Variants in COL13A1 observed in about 807,000 individuals in gnomAD.
COL13A1 encodes the protein collagen type XIII alpha 1 chain.
Under a neutral mutation model 130.9 loss-of-function variants are expected in COL13A1, and 89 were observed. The observed-to-expected ratio is 0.68, with a 90% CI of 0.57 to 0.81. The LOEUF (loss-of-function observed/expected upper bound fraction) is 0.81, where lower values mean the gene tolerates loss of function less well. Ranked by LOEUF, COL13A1 falls within the 30% of genes least tolerant of loss-of-function variation. The pLI is 0.00. For missense variants in COL13A1, 879 were observed against 934.6 expected, an observed-to-expected ratio of 0.94 and a Z score of 0.78; for synonymous variants, 402 against 341.6, an observed-to-expected ratio of 1.18 and a Z score of -1.95.
chr10:69,897,438 G>A (rs375607062), intron 13 of COL13A1: 14 of 1,610,944 alleles, frequency 8.7e-6, no homozygotes, highest in Admixed American at 6.7e-5. Flanking sequence ...GGTCCCTGTC[G>A]CCCTGTCTCT....
chr10:69,932,723 A>T, intron 31 of COL13A1, 119 bp downstream of exon 31: 1 of 689,158 alleles, frequency 1.5e-6, no homozygotes, highest in Non-Finnish European at 2.6e-6. Flanking sequence ...ACTGAGCACC[A>T]CCATAGGTCA....
intron 24 of COL13A1, among the ~76,000 whole-genome samples, chr10:69,924,355 G>GTTTTTCACAAGTTACACTGC (rs1312710856): frequency 8.5e-5 from 13 of 152,054 alleles, no homozygotes; most frequent in Non-Finnish European, 1.5e-4. Context: ...ACTGCGCTTG[G>GTTTTTCACAAGTTACACTGC]TTTTTCACAA....
intron 36 of COL13A1, among the ~76,000 whole-genome samples, chr10:69,944,948 C>T (rs767030259): frequency 2.0e-5 from 3 of 152,240 alleles, no homozygotes; most frequent in Admixed American, 6.5e-5. Context: ...CAGGCTCCCA[C>T]GGTCGCTGTC....
At chr10:69,871,296 C>T (rs1017501356) in intron 3 of COL13A1, among the ~76,000 whole-genome samples, 2 of 152,112 alleles carry the variant, frequency 1.3e-5, no homozygotes, top group Non-Finnish European at 2.9e-5. Context: ...TTCATTCATT[C>T]GTAAATGTGT....
chr10:69,802,209 A>C lies in COL13A1; in HGVS notation c.-215A>C. Reference sequence around the variant, plus strand: ...CTTCGAAATAACTTTTTTCTCACCTAGGTGTACCCCAATTACCGCTGGTTG... The same window carrying C: ...CTTCGAAATAACTTTTTTCTCACCTCGGTGTACCCCAATTACCGCTGGTTG... On this transcript the variant is annotated 5_prime_UTR_variant, in exon 1 of 41. Coordinates refer to ENST00000645393, the MANE Select transcript of COL13A1 (RefSeq NM_001368882.1). 1 of 526,252 alleles carries C rather than the reference A, an allele frequency of 1.9e-6. No homozygotes were observed. The highest frequency in any genetic ancestry group is 3.2e-6 in the Non-Finnish European group (1 of 316,884). 32.6% of individuals were successfully genotyped at this position (526,252 alleles called of 1,614,324 possible).
At chr10:69,851,901 C>T (rs996838364) in intron 2 of COL13A1, among the ~76,000 whole-genome samples, 10 of 152,278 alleles carry the variant, frequency 6.6e-5, no homozygotes, top group East Asian at 1.9e-4. Flanking sequence ...GTGATCCACC[C>T]GCCTCAGCCT....
At position 69,856,430 on chromosome 10, in the gene COL13A1, C is replaced by T. The variant is rs115367399; in HGVS notation, c.365-11368C>T. Among the ~76,000 whole-genome samples, 932 of 152,276 alleles carry T rather than the reference C, an allele frequency of 6.1e-3. 10 individuals are homozygous for T. Among genetic ancestry groups the T allele is most frequent in the African/African-American group, 0.021 (892 of 41,546 alleles). ...TCCTTGTAGGCATTGGAGTTTGTGA[C>T]ACCTAATCTCCCTCAACTCTTCTTA... On this transcript the variant is annotated intron_variant, in intron 2 of 40. Transcript: ENST00000645393.
intron 2 of COL13A1, among the ~76,000 whole-genome samples, chr10:69,836,011 T>A (rs1173980758): frequency 6.6e-6 from 1 of 152,142 alleles, no homozygotes; most frequent in Non-Finnish European, 1.5e-5. Context: ...ACAGAGCTAG[T>A]GTGTGTTGAA....
intron 1 of COL13A1, among the ~76,000 whole-genome samples, chr10:69,810,058 G>A (rs1842550095): frequency 6.6e-6 from 1 of 152,156 alleles, no homozygotes; most frequent in Non-Finnish European, 1.5e-5. Flanking sequence ...GTTTGTATCA[G>A]CTGCCTGAAT....
chr10:69,948,946 CA>C (rs1435686447), intron 38 of COL13A1, among the ~76,000 whole-genome samples: 2 of 152,240 alleles, frequency 1.3e-5, no homozygotes, highest in African/African-American at 4.8e-5. Flanking sequence ...ATGTTTGACA[CA>C]CTTTCCTCCA....
rs1413611484 is a variant in COL13A1 at position 69,839,114 on chromosome 10, T to G, written c.364+16676T>G. The stretch of plus-strand genomic sequence containing the variant: ...TCCTGCAATCTGGATGTGTCAGCTA[T>G]GGTATTTGGAGAATGCGATGGTCTT... On this transcript the variant is annotated intron_variant, in intron 2 of 40. Transcript: ENST00000645393. Among the ~76,000 whole-genome samples the G allele has an allele frequency of 3.9e-5, 6 of 152,244 alleles. No homozygotes were observed. In the South Asian group the frequency reaches 8.3e-4, roughly 21 times the overall value.
chr10:69,947,273 A>G lies in COL13A1; in HGVS notation c.2023-34A>G, dbSNP rs374533908. ...CTGTACAGCTGGCCTGTGTGTCCTCATTAACATGCCTTTCTTCCTCTGATC... is the reference window on the plus strand; with the variant it reads ...CTGTACAGCTGGCCTGTGTGTCCTCGTTAACATGCCTTTCTTCCTCTGATC... On this transcript the variant is annotated intron_variant, in intron 37 of 40. Transcript: ENST00000645393. 3.6e-5 allele frequency: 58 copies of G among 1,610,972 alleles called. No individual in the cohort carries two copies. The African/African-American group carries it at 6.5e-4, about 18-fold the overall frequency.
intron 2 of COL13A1, among the ~76,000 whole-genome samples, chr10:69,839,040 C>G (rs10762314): frequency 0.34 from 51,442 of 152,248 alleles, 9,447 homozygotes; most frequent in East Asian, 0.53. Context: ...AACCCATCCC[C>G]TGATTGGGCC....
intron 21 of COL13A1, among the ~76,000 whole-genome samples, chr10:69,920,947 G>C (rs2064584139): frequency 6.6e-6 from 1 of 152,152 alleles, no homozygotes; most frequent in Non-Finnish European, 1.5e-5. Context: ...ATCTCTAAGG[G>C]GCTCTTTGAT....
intron 9 of COL13A1, 47 bp downstream of exon 9, chr10:69,888,377 A>T: frequency 6.2e-7 from 1 of 1,602,310 alleles, no homozygotes; most frequent in Non-Finnish European, 8.5e-7. Flanking sequence ...GTGATCCTGG[A>T]TCTCTTGGTC....
chr10:69,947,266 T>G (rs1482814206), intron 37 of COL13A1, 41 bp from the exon 38 acceptor site: 2 of 1,599,128 alleles, frequency 1.3e-6, no homozygotes, highest in African/African-American at 2.7e-5. Context: ...CTGGCCTGTG[T>G]GTCCTCATTA....
chr10:69,905,676 T>C (rs1400033278), intron 16 of COL13A1, 111 bp from the exon 17 acceptor site: 4 of 1,224,250 alleles, frequency 3.3e-6, no homozygotes, highest in African/African-American at 3.0e-5. Flanking sequence ...GAAGGGGCAG[T>C]GGAACTTGGA....
rs1840276985 is a variant in COL13A1, at chr10:69,802,511, G to A, written c.88G>A (p.Ala30Thr). ...LGAPGTVALVAARAERGARLP... is the reference protein window; with the variant it reads ...LGAPGTVALVTARAERGARLP... ...CGCGCCCGGGACGGTGGCTCTGGTG[G>A]CGGCGCGGGCGGAGCGCGGCGCACG... The change falls in exon 1 of 41, where the codon GCG becomes ACG. Residue 30 changes from alanine (A) to threonine (T), a missense_variant. Around this residue, in one of 3 missense-constraint regions of COL13A1, gnomAD observed 715 missense variants for 721.0 expected, o/e 0.99. Coordinates refer to ENST00000645393, the MANE Select transcript of COL13A1 (RefSeq NM_001368882.1). The A allele has an allele frequency of 6.4e-7, 1 of 1,552,974 alleles. No homozygotes were observed. The highest frequency in any genetic ancestry group is 2.0e-5 in the Admixed American group (1 of 50,042).
intron 40 of COL13A1, among the ~76,000 whole-genome samples, chr10:69,957,412 T>C (rs1482140470): frequency 3.9e-5 from 6 of 152,196 alleles, no homozygotes; most frequent in African/African-American, 7.2e-5. Flanking sequence ...GTCTTAGACG[T>C]AGGACATCTC....
Sources: allele counts gnomAD v4.1 joint callset (sites outside exome capture counted in the v4.1 genomes callset), GRCh38; gene constraint gnomAD v4.1.1; regional missense constraint gnomAD v4.1.1; transcripts MANE v1.5; gene names NCBI Gene and HGNC (gene_info 2026-07-23, HGNC 2026-07-21).